ACOXL: variants seen among roughly 807,000 people sequenced by gnomAD.
The protein encoded by ACOXL is acyl-coenzyme A oxidase-like protein.
A neutral mutation model predicts 71.9 loss-of-function variants in ACOXL; 70 were observed. The ratio of observed to expected loss-of-function variants is 0.97; its 90% CI spans 0.80 to 1.19. ACOXL has a LOEUF of 1.19. Ranked by LOEUF, ACOXL falls within the 50% of genes most tolerant of loss-of-function variation. ACOXL has a pLI of 0.00. For missense variants in ACOXL, 703 were observed against 736.3 expected (o/e 0.95, Z 0.52); for synonymous variants, 253 against 281.6 (o/e 0.90, Z 1.02).
chr2:110,898,996 A>C (rs1414804816), intron 10 of ACOXL, among the ~76,000 whole-genome samples: 1 of 152,216 alleles, frequency 6.6e-6, no homozygotes, highest in Non-Finnish European at 1.5e-5. Flanking sequence ...ATAATTGCTC[A>C]AAAAGTTGAG....
chr2:110,958,121 G>A (rs994176634), intron 12 of ACOXL, among the ~76,000 whole-genome samples: 9 of 151,166 alleles, frequency 6.0e-5, no homozygotes, highest in Non-Finnish European at 8.8e-5. Flanking sequence ...ATATGCACGC[G>A]CATGCATACA....
chr2:110,910,645 G>A (rs1317635348), intron 11 of ACOXL, among the ~76,000 whole-genome samples: 2 of 152,092 alleles, frequency 1.3e-5, no homozygotes, highest in Non-Finnish European at 2.9e-5. Context: ...ATTCACACTA[G>A]TAGGCATGAA....
intron 10 of ACOXL, among the ~76,000 whole-genome samples, chr2:110,868,047 C>T (rs976179198): frequency 6.6e-6 from 1 of 152,232 alleles, no homozygotes; most frequent in Admixed American, 6.5e-5. Context: ...AGGTGCAAGC[C>T]ACCACGCCCG....
At chr2:110,776,929 G>A (rs1337829325) in intron 2 of ACOXL, among the ~76,000 whole-genome samples, 2 of 151,864 alleles carry the variant, frequency 1.3e-5, no homozygotes, top group Non-Finnish European at 2.9e-5. Flanking sequence ...TGCAGTCAAG[G>A]TGATGAGAAG....
At chr2:111,073,230 C>T (rs995539504) in intron 16 of ACOXL, among the ~76,000 whole-genome samples, 1 of 152,102 alleles carries the variant, frequency 6.6e-6, no homozygotes, top group African/African-American at 2.4e-5. Flanking sequence ...CTTATCAGTG[C>T]CTTTTGCAGA....
chr2:110,803,152 A>G (rs1686201139), intron 8 of ACOXL, among the ~76,000 whole-genome samples: 1 of 152,242 alleles, frequency 6.6e-6, no homozygotes, highest in South Asian at 2.1e-4. Context: ...GGTGGGTGCT[A>G]AAGTCCCCCA....
At chr2:110,768,578 T>C in intron 2 of ACOXL, 114 bp downstream of exon 2, 3 of 943,036 alleles carry the variant, frequency 3.2e-6, no homozygotes, top group Non-Finnish European at 4.8e-6. Context: ...TTAGAGGGTA[T>C]ATGTGCAGGT....
chr2:110,874,428 G>A (rs953686664), intron 10 of ACOXL, among the ~76,000 whole-genome samples: 2 of 152,114 alleles, frequency 1.3e-5, no homozygotes, highest in Non-Finnish European at 2.9e-5. Flanking sequence ...GCTGGAGGGC[G>A]AAGCAAGGCA....
At chr2:110,829,234 T>C (rs1689533095) in intron 9 of ACOXL, among the ~76,000 whole-genome samples, 1 of 152,254 alleles carries the variant, frequency 6.6e-6, no homozygotes, top group Admixed American at 6.5e-5. Context: ...TGTAGTTTTC[T>C]ATCTGCTGAA....
chr2:111,117,737 CT>C lies in ACOXL; in HGVS notation c.1667del (p.Phe556SerfsTer108), dbSNP rs1245548673. The C allele has an allele frequency of 8.4e-6, 13 of 1,551,670 alleles. No individual in the cohort carries two copies. The highest frequency in any genetic ancestry group is 7.8e-6 in the Non-Finnish European group (9 of 1,147,006). ...AGISNPRAAW[A>X]FYPAPLQPRP... Reference sequence around the variant, plus strand: ...ATCTCCAACCCGCGGGCCGCGTGGGCTTTCTACCCTGCACCGCTGCAGCCGC... The same window carrying C: ...ATCTCCAACCCGCGGGCCGCGTGGGCTTCTACCCTGCACCGCTGCAGCCGC... On this transcript the variant is annotated frameshift_variant, in exon 18 of 18. Transcript: ENST00000439055. LOFTEE classifies it low-confidence loss of function (END_TRUNC).
intron 12 of ACOXL, among the ~76,000 whole-genome samples, chr2:110,954,025 A>G (rs2061417771): frequency 1.3e-5 from 2 of 152,314 alleles, no homozygotes; most frequent in South Asian, 2.1e-4. Context: ...AATTCTATCA[A>G]TTTCAGTCTC....
chr2:110,907,679 C>T (rs2149234448), intron 10 of ACOXL, among the ~76,000 whole-genome samples: 1 of 152,308 alleles, frequency 6.6e-6, no homozygotes, highest in Admixed American at 6.5e-5. Flanking sequence ...ACGGTGCTTG[C>T]ACGCGGCCTT....
intron 16 of ACOXL, among the ~76,000 whole-genome samples, chr2:111,064,250 C>T (rs1300132611): frequency 6.6e-6 from 1 of 152,066 alleles, no homozygotes; most frequent in Non-Finnish European, 1.5e-5. Context: ...TCCTGGCTAA[C>T]ACAGTGAAAC....
In ACOXL at chr2:110,942,751, T is replaced by C. The variant is rs118083980; in HGVS notation, c.1059+9109T>C. ...TAAAAAAAAAAAAAAGTTAGCTGGG[T>C]GTGGTGGTGTAATCCTGGCTACTTG... On this transcript the variant is annotated intron_variant, in intron 12 of 17. Coordinates refer to ENST00000439055, the MANE Select transcript of ACOXL (RefSeq NM_001142807.4). Among the ~76,000 whole-genome samples, 1,430 of 143,076 alleles carry C rather than the reference T, an allele frequency of 1.0e-2. 13 individuals carry two copies. Among genetic ancestry groups the C allele is most frequent in the Middle Eastern group, 0.049 (13 of 266 alleles). 93.9% of individuals were successfully genotyped at this position (143,076 alleles called of 152,430 possible).
intron 11 of ACOXL, among the ~76,000 whole-genome samples, chr2:110,920,880 C>A (rs1046693723): frequency 3.3e-5 from 5 of 152,080 alleles, no homozygotes; most frequent in Non-Finnish European, 7.4e-5. Flanking sequence ...TTCCAACATA[C>A]AAACCCTACT....
intron 11 of ACOXL, among the ~76,000 whole-genome samples, chr2:110,913,690 C>T (rs2059731572): frequency 6.6e-6 from 1 of 152,126 alleles, no homozygotes; most frequent in Admixed American, 6.5e-5. Context: ...TTAGTTGGCT[C>T]ATAATTCTGC....
At chr2:110,799,651 G>A (rs902380867) in intron 7 of ACOXL, among the ~76,000 whole-genome samples, 1 of 152,208 alleles carries the variant, frequency 6.6e-6, no homozygotes, top group African/African-American at 2.4e-5. Flanking sequence ...GGTGAAGCCA[G>A]CTGAACTTCC....
intron 15 of ACOXL, among the ~76,000 whole-genome samples, chr2:111,042,993 T>G (rs569353183): frequency 6.6e-6 from 1 of 152,162 alleles, no homozygotes; most frequent in Admixed American, 6.5e-5. Flanking sequence ...CCTTGGGAAG[T>G]GCTGAGATCC....
At chr2:110,959,342 T>C (rs776844039) in intron 12 of ACOXL, among the ~76,000 whole-genome samples, 13 of 152,172 alleles carry the variant, frequency 8.5e-5, no homozygotes, top group African/African-American at 2.7e-4. Context: ...CCTGCTCTTC[T>C]CCCAGCCCTG....
Sources: gnomAD v4.1 joint callset for allele counts (sites outside exome capture counted in the v4.1 genomes callset) on GRCh38, gnomAD v4.1.1 for gene constraint, MANE v1.5 for transcripts, NCBI Gene and HGNC (gene_info 2026-07-23, HGNC 2026-07-21) for gene names.